The following PCDH15 variants were observed in gnomAD, a reference collection of about 807,000 sequenced individuals.
PCDH15 encodes protocadherin-15.
PCDH15 carries 129 observed loss-of-function variants against 178.5 expected under a neutral mutation model. The ratio of observed to expected loss-of-function variants is 0.72; its 90% CI spans 0.63 to 0.84. PCDH15 has a LOEUF of 0.84. Ranked by LOEUF, PCDH15 falls within the 40% of genes least tolerant of loss-of-function variation. The pLI, the probability that PCDH15 is intolerant of heterozygous loss-of-function variation, is 0.00. For synonymous variants in PCDH15, 800 were observed against 732.0 expected (o/e 1.09, Z -1.50); for missense variants, 2,230 against 2,099.9 (o/e 1.06, Z -1.21).
intron 8 of PCDH15, among the ~76,000 whole-genome samples, chr10:54,313,557 GCTAT>G (rs1241108682): frequency 6.6e-6 from 1 of 151,992 alleles, no homozygotes; most frequent in Non-Finnish European, 1.5e-5. Flanking sequence ...GAAAAAACCT[GCTAT>G]CAATTTTTGC....
At chr10:55,430,544 C>A (rs1370089499) in intron 2 of PCDH15, among the ~76,000 whole-genome samples, 2 of 152,072 alleles carry the variant, frequency 1.3e-5, no homozygotes, top group Admixed American at 6.6e-5. Flanking sequence ...ATTTTATTCA[C>A]CCTGGAAGCA....
intron 7 of PCDH15, among the ~76,000 whole-genome samples, chr10:54,328,006 A>G (rs980794479): frequency 6.6e-6 from 1 of 152,062 alleles, no homozygotes; most frequent in Non-Finnish European, 1.5e-5. Context: ...CCTTTACATT[A>G]AAGATCACCG....
At position 54,396,600 on chromosome 10, in the gene PCDH15, C is replaced by A. The variant is rs1188977470; in HGVS notation, c.158-17658G>T. On this transcript the variant is annotated intron_variant, in intron 3 of 37. Transcript: ENST00000644397. ...TCTTTCCAACACTCTTCTTTTGATA[C>A]ACTTTAATTATAATCCTTAAAAATC... Among the ~76,000 whole-genome samples the A allele has an allele frequency of 3.3e-5, 5 of 152,214 alleles. No homozygotes were observed. In the East Asian group the frequency reaches 9.7e-4, roughly 29 times the overall value.
chr10:54,239,790 A>C (rs2055046251), intron 8 of PCDH15, among the ~76,000 whole-genome samples: 1 of 152,138 alleles, frequency 6.6e-6, no homozygotes. Context: ...AACTTATTTT[A>C]CAATATTTAT....
At chr10:54,840,799 T>A (rs1192926485) in intron 3 of PCDH15, among the ~76,000 whole-genome samples, 1 of 151,836 alleles carries the variant, frequency 6.6e-6, no homozygotes, top group Non-Finnish European at 1.5e-5. Context: ...TCAGACAAAA[T>A]AGACTTGTAG....
rs184969810 is a variant in PCDH15, at chr10:54,109,070, A to C, written c.1918-19007T>G. On this transcript the variant is annotated intron_variant, in intron 15 of 37. Transcript: ENST00000644397. ...GACTTGCTGGCTTCAGATGAGACTC[A>C]GTCCAGCTGTGGTGGCTATGGGAGA... 3.3e-3 allele frequency among the ~76,000 whole-genome samples: 505 copies of C among 152,322 alleles called. 3 individuals are homozygous for C. Among genetic ancestry groups the C allele is most frequent in the African/African-American group, 0.011 (458 of 41,582 alleles).
At chr10:55,389,682 A>G (rs1218934071) in intron 2 of PCDH15, among the ~76,000 whole-genome samples, 1 of 152,106 alleles carries the variant, frequency 6.6e-6, no homozygotes, top group Non-Finnish European at 1.5e-5. Context: ...TCATAAGAGA[A>G]ATATCAAGTT....
At chr10:54,463,984 T>C (rs1257748239) in intron 3 of PCDH15, among the ~76,000 whole-genome samples, 1 of 152,120 alleles carries the variant, frequency 6.6e-6, no homozygotes, top group Non-Finnish European at 1.5e-5. Context: ...AATAGGCGTT[T>C]GGATGTAGGG....
intron 1 of PCDH15, among the ~76,000 whole-genome samples, chr10:55,258,758 C>CTTT (rs11398382): frequency 3.8e-4 from 41 of 108,124 alleles, no homozygotes; most frequent in African/African-American, 6.1e-4. Context: ...TGTTTGTCTG[C>CTTT]TTTTTTTTTT....
chr10:54,115,295 AG>A lies in PCDH15; in HGVS notation c.1917+17579del, dbSNP rs1276246214. 2.6e-5 allele frequency among the ~76,000 whole-genome samples: 4 copies of A among 152,340 alleles called. No individual in the cohort carries two copies. The East Asian group carries it at 7.7e-4, about 29-fold the overall frequency. On this transcript the variant is annotated intron_variant, in intron 15 of 37. Coordinates refer to ENST00000644397, the MANE Select transcript of PCDH15 (RefSeq NM_001384140.1). ...GCCATTTACTGGGTAGGGAAAATGCAGAAGGACCACCTGTTTTCATTAAGAT... is the reference window on the plus strand; with the variant it reads ...GCCATTTACTGGGTAGGGAAAATGCAAAGGACCACCTGTTTTCATTAAGAT...
intron 37 of PCDH15, chr10:53,808,797 AGACT>A: frequency 1.2e-6 from 2 of 1,612,114 alleles, no homozygotes; most frequent in Non-Finnish European, 1.7e-6. Context: ...ATGGACCTCC[AGACT>A]GACTTTCGCT....
At chr10:54,873,261 C>T (rs1161305353) in intron 3 of PCDH15, among the ~76,000 whole-genome samples, 1 of 151,904 alleles carries the variant, frequency 6.6e-6, no homozygotes, top group Non-Finnish European at 1.5e-5. Context: ...AACAAGGTCA[C>T]AGTATTTGTC....
At chr10:55,434,309 G>A (rs1838977860) in intron 2 of PCDH15, among the ~76,000 whole-genome samples, 1 of 151,562 alleles carries the variant, frequency 6.6e-6, no homozygotes, top group Admixed American at 6.6e-5. Flanking sequence ...GCCCTCCTTG[G>A]CCTCCCAAAG....
intron 26 of PCDH15, among the ~76,000 whole-genome samples, chr10:53,898,072 A>G (rs200909260): frequency 1.0e-4 from 6 of 58,240 alleles, no homozygotes; most frequent in Non-Finnish European, 2.5e-4. Flanking sequence ...GTTCATGCCA[A>G]TCTCCTGCCT....
intron 2 of PCDH15, among the ~76,000 whole-genome samples, chr10:55,415,792 C>T (rs1206390076): frequency 6.6e-6 from 1 of 151,654 alleles, no homozygotes; most frequent in Admixed American, 6.6e-5. Context: ...TTTGGCTTAA[C>T]ATCTCAATGG....
chr10:55,368,354 CA>C (rs1845417298), intron 2 of PCDH15, among the ~76,000 whole-genome samples: 1 of 152,110 alleles, frequency 6.6e-6, no homozygotes, highest in African/African-American at 2.4e-5. Context: ...AATATACACA[CA>C]GCCTCTCAAC....
intron 1 of PCDH15, among the ~76,000 whole-genome samples, chr10:54,800,301 A>G (rs1952536182): frequency 6.6e-6 from 1 of 152,216 alleles, no homozygotes; most frequent in Admixed American, 6.5e-5. Context: ...TTAATTCTGT[A>G]TTAGAAGGAT....
intron 3 of PCDH15, among the ~76,000 whole-genome samples, chr10:54,436,077 A>AGGAAGGAGGGAAGGAGGGAAGGAG (rs1277960849): frequency 4.2e-5 from 6 of 144,140 alleles, no homozygotes; most frequent in African/African-American, 1.7e-4. Context: ...GAAAGAAGGA[A>AGGAAGGAGGGAAGGAGGGAAGGAG]GGAAGGAGGG....
intron 2 of PCDH15, among the ~76,000 whole-genome samples, chr10:55,399,444 A>G (rs1239679709): frequency 6.6e-6 from 1 of 152,212 alleles, no homozygotes; most frequent in Non-Finnish European, 1.5e-5. Context: ...GCAAATTGAA[A>G]CATTTTATTT....
Sources: allele counts gnomAD v4.1 joint callset (sites outside exome capture counted in the v4.1 genomes callset), GRCh38; gene constraint gnomAD v4.1.1; transcripts MANE v1.5; gene names NCBI Gene and HGNC (gene_info 2026-07-23, HGNC 2026-07-21).